Variants in SYT6 observed in about 807,000 individuals in gnomAD.
The protein encoded by SYT6 is synaptotagmin-6.
SYT6 carries 24 observed loss-of-function variants against 38.4 expected under a neutral mutation model. The ratio of observed to expected loss-of-function variants is 0.62; its 90% CI spans 0.45 to 0.88. The LOEUF is 0.88. Among genes scored for constraint, SYT6 ranks in the 40% least tolerant of loss-of-function variants. The pLI is 0.00. For synonymous variants in SYT6, 265 were observed against 241.9 expected (o/e 1.10, Z -0.89); for missense variants, 611 against 621.0 (o/e 0.98, Z 0.17).
intron 7 of SYT6, among the ~76,000 whole-genome samples, chr1:114,093,090 C>T (rs1571806676): frequency 6.6e-6 from 1 of 152,274 alleles, no homozygotes; most frequent in East Asian, 1.9e-4. Context: ...AGGGTCTCCA[C>T]TATGGAGTGA....
intron 3 of SYT6, among the ~76,000 whole-genome samples, chr1:114,128,750 C>T (rs949028638): frequency 4.6e-5 from 7 of 152,212 alleles, no homozygotes; most frequent in Non-Finnish European, 1.0e-4. Context: ...AGACACTGTA[C>T]CCTCCTGGCT....
chr1:114,121,426 A>T (rs1677394642), intron 3 of SYT6, among the ~76,000 whole-genome samples: 1 of 151,916 alleles, frequency 6.6e-6, no homozygotes, highest in African/African-American at 2.4e-5. Flanking sequence ...CAGTGCATCA[A>T]CCCCTCACAG....
rs1444131214 is a variant in SYT6, at chr1:114,139,750, C to G, written c.377G>C (p.Gly126Ala). The G allele has an allele frequency of 1.2e-6, 2 of 1,613,954 alleles. No individual in the cohort carries two copies. Among genetic ancestry groups the G allele is most frequent in the Admixed American group, 1.7e-5 (1 of 59,986 alleles). ...ADKLKDPSTL[G>A]FLEAAVKISH... ...GATCTTCACGGCCGCCTCCAGGAAGCCCAGGGTGCTGGGGTCCTTCAGCTT... is the reference window on the plus strand; with the variant it reads ...GATCTTCACGGCCGCCTCCAGGAAGGCCAGGGTGCTGGGGTCCTTCAGCTT... Residue 126 changes from glycine (G) to alanine (A), a missense_variant, in exon 2 of 8, where the codon GGC (glycine) becomes GCC (alanine). Transcript: ENST00000610222.
At chr1:114,141,293 A>G (rs1678850503) in intron 1 of SYT6, among the ~76,000 whole-genome samples, 1 of 152,216 alleles carries the variant, frequency 6.6e-6, no homozygotes, top group African/African-American at 2.4e-5. Context: ...ACTCCAGCAA[A>G]CACACAAATG....
At position 114,091,819 on chromosome 1, in the gene SYT6, A is replaced by T; in HGVS notation, c.*315T>A. 1 of 461,442 alleles carries T rather than the reference A, an allele frequency of 2.2e-6. No homozygotes were observed. Among genetic ancestry groups the T allele is most frequent in the East Asian group, 3.5e-5 (1 of 28,980 alleles). The allele number at this position is 461,442 out of a possible 1,614,324, so 28.6% of individuals were successfully genotyped here. A position where few individuals can be genotyped will look rare whatever the true frequency, so the allele number is the denominator to read the frequency against. Reference sequence around the variant, plus strand: ...CCACAAAAACATCACCTTGGGAGACACAAAAGACTAAGACAGATCTGACCA... The same window carrying T: ...CCACAAAAACATCACCTTGGGAGACTCAAAAGACTAAGACAGATCTGACCA... On this transcript the variant is annotated 3_prime_UTR_variant, in exon 8 of 8. Coordinates refer to ENST00000610222, the MANE Select transcript of SYT6 (RefSeq NM_001253772.2).
At chr1:114,136,788 G>A (rs555634796) in intron 3 of SYT6, among the ~76,000 whole-genome samples, 8 of 152,270 alleles carry the variant, frequency 5.3e-5, no homozygotes, top group African/African-American at 1.2e-4. Context: ...GCTGTGTGTC[G>A]TCATTCGTGC....
At chr1:114,138,169 T>G in intron 2 of SYT6, 116 bp from the exon 3 acceptor site, 5 of 1,013,124 alleles carry the variant, frequency 4.9e-6, no homozygotes, top group Non-Finnish European at 7.0e-6. Flanking sequence ...GAGCCCCCTT[T>G]TCCTTCCTCT....
intron 1 of SYT6, among the ~76,000 whole-genome samples, chr1:114,145,653 G>A (rs767850214): frequency 6.6e-6 from 1 of 152,152 alleles, no homozygotes; most frequent in East Asian, 1.9e-4. Context: ...GCCATCTCTA[G>A]CCCTTCACAT....
Position 114,139,761 on chromosome 1 carries a change from G to A in SYT6, c.366C>T (p.Pro122=). 6.2e-7 allele frequency: 1 copy of A among 1,613,972 alleles called. No homozygotes were observed. Among genetic ancestry groups the A allele is most frequent in the Non-Finnish European group, 8.5e-7 (1 of 1,179,920 alleles). Residue 122 remains proline (P), a synonymous_variant, in exon 2 of 8, where the codon CCC becomes CCT. Coordinates refer to ENST00000610222, the MANE Select transcript of SYT6 (RefSeq NM_001253772.2). ...RGNMADKLKD[P]STLGFLEAAV... Reference sequence around the variant, plus strand: ...CCGCCTCCAGGAAGCCCAGGGTGCTGGGGTCCTTCAGCTTGTCCGCCATGT... The same window carrying A: ...CCGCCTCCAGGAAGCCCAGGGTGCTAGGGTCCTTCAGCTTGTCCGCCATGT...
At chr1:114,095,226 C>T (rs144691903) in intron 6 of SYT6, among the ~76,000 whole-genome samples, 1 of 152,272 alleles carries the variant, frequency 6.6e-6, no homozygotes, top group African/African-American at 2.4e-5. Flanking sequence ...TGTTACTTTC[C>T]CATTACTGTC....
intron 3 of SYT6, among the ~76,000 whole-genome samples, chr1:114,136,567 CT>C (rs1433762061): frequency 1.3e-5 from 2 of 152,206 alleles, no homozygotes; most frequent in African/African-American, 4.8e-5. Context: ...CAGATGTGTC[CT>C]CTCCAGTTCT....
rs201164517 is a variant in SYT6 at position 114,097,891 on chromosome 1, A to C, written c.1365-14T>G. On this transcript the variant is annotated splice_polypyrimidine_tract_variant and intron_variant, in intron 5 of 7. Transcript: ENST00000610222. ...TTGTGGCCCACTCTGAGGGAGAAAC[A>C]AAAGTCCCAGCACTGGCTACCAGAC... The C allele has an allele frequency of 1.2e-6, 2 of 1,613,726 alleles. No homozygotes were observed. Among genetic ancestry groups the C allele is most frequent in the Admixed American group, 1.7e-5 (1 of 60,012 alleles).
In SYT6 at chr1:114,139,535, C is replaced by T. The variant is rs115291250; in HGVS notation, c.512+80G>A. 225 of 1,560,860 alleles carry T rather than the reference C, an allele frequency of 1.4e-4. No individual in the cohort carries two copies. In the African/African-American group the frequency reaches 2.8e-3, roughly 19 times the overall value. On this transcript the variant is annotated intron_variant, in intron 2 of 7. Coordinates refer to ENST00000610222, the MANE Select transcript of SYT6 (RefSeq NM_001253772.2). The stretch of plus-strand genomic sequence containing the variant: ...GTGTTATTATTTCTGGTCTGTGATC[C>T]CCACAGGCTGGAATCCCATAGATGT...
At chr1:114,097,378 T>C (rs1675696573) in intron 6 of SYT6, among the ~76,000 whole-genome samples, 1 of 152,254 alleles carries the variant, frequency 6.6e-6, no homozygotes, top group African/African-American at 2.4e-5. Context: ...TGCCAAGCTC[T>C]GATCTCACCC....
At position 114,137,854 on chromosome 1, in the gene SYT6, G is replaced by A. The variant is rs1678585333; in HGVS notation, c.712C>T (p.Arg238Cys). ...KSCGKINFSL[R>C]YDYETETLIV... ...AGGGTCTCGGTCTCGTAATCGTAGC[G>A]TAGGCTGAAGTTGATCTTCCCGCAG... is the stretch of plus-strand genomic sequence containing the variant. Residue 238 changes from arginine to cysteine, a missense_variant, in exon 3 of 8, where the codon CGC (arginine) becomes TGC (cysteine). By Grantham distance (180) the Arg-to-Cys change is radical. Transcript: ENST00000610222. 9 of 1,614,076 alleles carry A rather than the reference G, an allele frequency of 5.6e-6. No homozygotes were observed. Among genetic ancestry groups the A allele is most frequent in the African/African-American group, 1.3e-5 (1 of 74,998 alleles).
chr1:114,151,187 T>G (rs935575002), intron 1 of SYT6, among the ~76,000 whole-genome samples: 7 of 152,122 alleles, frequency 4.6e-5, no homozygotes, highest in Admixed American at 3.9e-4. Flanking sequence ...GTCACCTAAA[T>G]TCTCAAAATC....
At chr1:114,142,761 T>G (rs1678931085) in intron 1 of SYT6, among the ~76,000 whole-genome samples, 1 of 152,108 alleles carries the variant, frequency 6.6e-6, no homozygotes, top group African/African-American at 2.4e-5. Flanking sequence ...TCAGCAGCCA[T>G]CAACATCGAA....
chr1:114,094,681 C>G lies in SYT6; in HGVS notation c.1516-878G>C, dbSNP rs190300603. On this transcript the variant is annotated intron_variant, in intron 6 of 7. Coordinates refer to ENST00000610222, the MANE Select transcript of SYT6 (RefSeq NM_001253772.2). ...CTCATTAATAAAAAAGAAATGATCA[C>G]AGCACTTGAAAATCCCTTAAGAAAG... is the stretch of plus-strand genomic sequence containing the variant. Among the ~76,000 whole-genome samples, 11 of 152,308 alleles carry G rather than the reference C, an allele frequency of 7.2e-5. No individual in the cohort carries two copies. The East Asian group carries it at 2.1e-3, about 29-fold the overall frequency.
At chr1:114,133,556 G>A (rs1678289408) in intron 3 of SYT6, among the ~76,000 whole-genome samples, 1 of 152,194 alleles carries the variant, frequency 6.6e-6, no homozygotes, top group Non-Finnish European at 1.5e-5. Context: ...AAACCTCTGG[G>A]AATGCCCAGG....
Sources: allele counts gnomAD v4.1 joint callset (sites outside exome capture counted in the v4.1 genomes callset), GRCh38; gene constraint gnomAD v4.1.1; transcripts MANE v1.5; gene names NCBI Gene and HGNC (gene_info 2026-07-23, HGNC 2026-07-21).